The following KHDRBS2 variants were observed in gnomAD, a reference collection of about 807,000 sequenced individuals.
KHDRBS2 encodes the protein KH domain-containing, RNA-binding, signal transduction-associated protein 2.
In KHDRBS2, 26 loss-of-function variants were observed where a neutral mutation model predicts 44.3. The observed-to-expected ratio is 0.59, with a 90% CI of 0.43 to 0.81. The LOEUF is 0.81. Among genes scored for constraint, KHDRBS2 ranks in the 40% least tolerant of loss-of-function variants. The pLI is 0.00. For missense variants in KHDRBS2, 476 were observed against 433.1 expected (o/e 1.10, Z -0.88); for synonymous variants, 194 against 151.1 (o/e 1.28, Z -2.08).
intron 7 of KHDRBS2, among the ~76,000 whole-genome samples, chr6:61,720,957 A>G (rs1321939768): frequency 4.6e-5 from 7 of 150,702 alleles, no homozygotes; most frequent in Admixed American, 4.0e-4. Context: ...ATTTTTGTAT[A>G]AGGTGTAAGG....
chr6:61,995,087 T>A (rs1250881072), intron 3 of KHDRBS2, among the ~76,000 whole-genome samples: 1 of 152,104 alleles, frequency 6.6e-6, no homozygotes, highest in African/African-American at 2.4e-5. Context: ...AAAGGGTTCA[T>A]TTTTCCTGCG....
chr6:61,638,237 CACTACCTG>C, the KHDRBS2 span, among the ~76,000 whole-genome samples: 1 of 152,154 alleles, frequency 6.6e-6, no homozygotes, highest in East Asian at 1.9e-4. Flanking sequence ...GGAGGCATCA[CACTACCTG>C]ACTTCAAACT....
At chr6:62,098,994 T>A (rs530467651) in intron 2 of KHDRBS2, among the ~76,000 whole-genome samples, 7 of 152,330 alleles carry the variant, frequency 4.6e-5, no homozygotes, top group South Asian at 2.1e-4. Context: ...TTTAAAAAAA[T>A]TATTTTAAAC....
chr6:61,805,427 T>G (rs2127590918), intron 6 of KHDRBS2, among the ~76,000 whole-genome samples: 1 of 152,314 alleles, frequency 6.6e-6, no homozygotes. Context: ...TTCTGAGACC[T>G]ACCAATGGTT....
intron 2 of KHDRBS2, among the ~76,000 whole-genome samples, chr6:62,114,129 T>C (rs1805658029): frequency 6.6e-6 from 1 of 152,088 alleles, no homozygotes; most frequent in Non-Finnish European, 1.5e-5. Context: ...GCCCCCATGA[T>C]TCACTTACGT....
intron 1 of KHDRBS2, among the ~76,000 whole-genome samples, chr6:62,248,200 A>T (rs1304582053): frequency 6.6e-6 from 1 of 151,958 alleles, no homozygotes; most frequent in Non-Finnish European, 1.5e-5. Flanking sequence ...TTCCAAAAAT[A>T]AAAATAAAAG....
the KHDRBS2 span, among the ~76,000 whole-genome samples, chr6:61,565,066 G>A: frequency 1.3e-5 from 2 of 152,020 alleles, no homozygotes; most frequent in Non-Finnish European, 2.9e-5. Flanking sequence ...CACATTAAGG[G>A]AAGGGACAGT....
chr6:61,975,894 C>T (rs1367506488), intron 4 of KHDRBS2, among the ~76,000 whole-genome samples: 2 of 152,120 alleles, frequency 1.3e-5, no homozygotes, highest in Non-Finnish European at 2.9e-5. Context: ...AACCTTTAAG[C>T]TGACAGCTGG....
the KHDRBS2 span, among the ~76,000 whole-genome samples, chr6:61,639,080 T>C: frequency 1.2e-3 from 180 of 152,236 alleles, 1 homozygote; most frequent in African/African-American, 4.0e-3. Flanking sequence ...TTGAAAATGA[T>C]TGCTATTGGA....
intron 6 of KHDRBS2, among the ~76,000 whole-genome samples, chr6:61,799,643 C>T (rs1342914687): frequency 6.6e-6 from 1 of 151,926 alleles, no homozygotes; most frequent in East Asian, 1.9e-4. Context: ...CAAAACTACC[C>T]TGACCCTTAT....
intron 1 of KHDRBS2, among the ~76,000 whole-genome samples, chr6:62,250,771 G>GA (rs1325703421): frequency 2.0e-5 from 3 of 151,592 alleles, no homozygotes; most frequent in Non-Finnish European, 4.4e-5. Context: ...TTGTAAGGGA[G>GA]AAAAAAATAT....
chr6:62,099,099 C>T (rs753417658), intron 2 of KHDRBS2, among the ~76,000 whole-genome samples: 7 of 152,002 alleles, frequency 4.6e-5, no homozygotes, highest in Non-Finnish European at 8.8e-5. Context: ...TTAAATTATC[C>T]GTTTCTAAGA....
At chr6:61,566,684 G>C in the KHDRBS2 span, among the ~76,000 whole-genome samples, 1 of 147,702 alleles carries the variant, frequency 6.8e-6, no homozygotes, top group Non-Finnish European at 1.5e-5. Flanking sequence ...TTTAAATTTT[G>C]CAAAGGTGGT....
chr6:61,593,876 A>G, the KHDRBS2 span, among the ~76,000 whole-genome samples: 1 of 152,152 alleles, frequency 6.6e-6, no homozygotes, highest in Non-Finnish European at 1.5e-5. Flanking sequence ...ACAAAGTATC[A>G]GGTTAATCTT....
At chr6:61,954,942 G>A (rs62646162) in intron 4 of KHDRBS2, among the ~76,000 whole-genome samples, 1 of 68,306 alleles carries the variant, frequency 1.5e-5, no homozygotes, top group Non-Finnish European at 4.1e-5. Context: ...ACATATGTAT[G>A]TGTATACATA....
intron 6 of KHDRBS2, among the ~76,000 whole-genome samples, chr6:61,740,719 A>G (rs1458285887): frequency 2.0e-5 from 3 of 151,874 alleles, no homozygotes; most frequent in Non-Finnish European, 1.5e-5. Context: ...TAGTGTAAGG[A>G]AATTTGTGAA....
chr6:61,622,128 T>C, the KHDRBS2 span, among the ~76,000 whole-genome samples: 3 of 152,182 alleles, frequency 2.0e-5, no homozygotes, highest in Non-Finnish European at 2.9e-5. Flanking sequence ...TAAATGTGCA[T>C]TAAGTTGCTA....
chr6:62,179,259 G>A (rs1388132254), intron 1 of KHDRBS2, among the ~76,000 whole-genome samples: 4 of 151,410 alleles, frequency 2.6e-5, no homozygotes, highest in African/African-American at 4.8e-5. Context: ...TCAGTTACAC[G>A]GTACAATTTC....
At chr6:61,764,917 G>A (rs191395107) in intron 6 of KHDRBS2, among the ~76,000 whole-genome samples, 64 of 151,692 alleles carry the variant, frequency 4.2e-4, no homozygotes, top group African/African-American at 1.4e-3. Context: ...CACATTTCAG[G>A]TGTGCATTGT....
Sources: allele counts gnomAD v4.1 joint callset (sites outside exome capture counted in the v4.1 genomes callset), GRCh38; gene constraint gnomAD v4.1.1; transcripts MANE v1.5; gene names NCBI Gene and HGNC (gene_info 2026-07-23, HGNC 2026-07-21).